ASTN2: variants seen among roughly 807,000 people sequenced by gnomAD.
The protein encoded by ASTN2 is astrotactin 2, also known as astrotactin-2.
ASTN2 carries 54 observed loss-of-function variants against 139.8 expected under a neutral mutation model. The ratio of observed to expected loss-of-function variants is 0.39; its 90% confidence interval spans 0.31 to 0.48. The LOEUF (loss-of-function observed/expected upper bound fraction) is 0.48, where lower values mean the gene tolerates loss of function less well. Ranked by LOEUF, ASTN2 falls within the 20% of genes least tolerant of loss-of-function variation. The pLI, the probability that ASTN2 is intolerant of heterozygous loss-of-function variation, is 0.95. For missense variants in ASTN2, 1,565 were observed against 1,725.1 expected (o/e 0.91, Z 1.64); for synonymous variants, 756 against 719.5 (o/e 1.05, Z -0.81).
chr9:117,018,550 T>G (rs1837782561), intron 6 of ASTN2, among the ~76,000 whole-genome samples: 1 of 152,198 alleles, frequency 6.6e-6, no homozygotes, highest in Non-Finnish European at 1.5e-5. Flanking sequence ...TTCCTTTTTC[T>G]CTAGATCTCT....
intron 2 of ASTN2, among the ~76,000 whole-genome samples, chr9:117,227,477 T>C (rs769313734): frequency 6.6e-6 from 1 of 151,972 alleles, no homozygotes; most frequent in Non-Finnish European, 1.5e-5. Flanking sequence ...CAGGGATGGG[T>C]GGATGGATGG....
At chr9:117,315,213 C>T (rs1313035621) in intron 1 of ASTN2, among the ~76,000 whole-genome samples, 1 of 152,088 alleles carries the variant, frequency 6.6e-6, no homozygotes, top group Non-Finnish European at 1.5e-5. Flanking sequence ...AAATATTATA[C>T]AAGGTATTTT....
rs1831812203 is a variant in ASTN2, at chr9:116,831,460, A to G, written c.2041-10677T>C. Among the ~76,000 whole-genome samples the G allele has an allele frequency of 1.3e-5, 2 of 152,216 alleles. 1 individual carries two copies. The highest frequency in any genetic ancestry group is 4.1e-4 in the South Asian group (2 of 4,826). The stretch of plus-strand genomic sequence containing the variant: ...TTTAACAAATATTCACCAAACACCT[A>G]CCTACTCAGTGCTAAGCAAATGTTT... On this transcript the variant is annotated intron_variant, in intron 11 of 22. Transcript: ENST00000313400.
At chr9:117,184,865 C>T (rs550514883) in intron 3 of ASTN2, among the ~76,000 whole-genome samples, 6 of 152,230 alleles carry the variant, frequency 3.9e-5, no homozygotes, top group Admixed American at 6.5e-5. Context: ...ATATGACTTT[C>T]CCAAGATTAT....
chr9:116,624,259 T>C (rs1310881862), intron 17 of ASTN2, among the ~76,000 whole-genome samples: 1 of 152,214 alleles, frequency 6.6e-6, no homozygotes, highest in Non-Finnish European at 1.5e-5. Flanking sequence ...TTAACCTCAA[T>C]TTCCCTATCT....
Position 116,805,975 on chromosome 9 carries a change from T to C in ASTN2, c.2208-155A>G, listed in dbSNP as rs369917151. On this transcript the variant is annotated intron_variant, in intron 12 of 22. Coordinates refer to ENST00000313400, the MANE Select transcript of ASTN2 (RefSeq NM_001365068.1). ...GGAATCTATCTAGGGCACAGATGTC[T>C]AGAGAGAAGCACATTAATACTGCAA... Among the ~76,000 whole-genome samples, 133 of 152,306 alleles carry C rather than the reference T, an allele frequency of 8.7e-4. 1 individual carries two copies. The highest frequency in any genetic ancestry group is 3.2e-3 in the African/African-American group (132 of 41,560).
At chr9:116,669,849 A>T (rs971173523) in intron 16 of ASTN2, among the ~76,000 whole-genome samples, 3 of 149,386 alleles carry the variant, frequency 2.0e-5, no homozygotes, top group African/African-American at 7.4e-5. Flanking sequence ...TCTGTCACCC[A>T]GTCTGGAATG....
intron 16 of ASTN2, chr9:116,686,686 T>C (rs1013286333): frequency 3.2e-6 from 5 of 1,550,262 alleles, no homozygotes; most frequent in Non-Finnish European, 4.4e-6. Context: ...TTGGTTTGGG[T>C]TCCCGGGTAC....
chr9:116,729,536 C>A (rs897061038), intron 14 of ASTN2, among the ~76,000 whole-genome samples: 26 of 152,174 alleles, frequency 1.7e-4, no homozygotes, highest in African/African-American at 6.0e-4. Context: ...TGCATGTAGA[C>A]CACATGTAAG....
Position 116,698,806 on chromosome 9 carries a change from G to A in ASTN2, c.2806+26965C>T. 1 of 1,614,178 alleles carries A rather than the reference G, an allele frequency of 6.2e-7. No individual in the cohort carries two copies. The highest frequency in any genetic ancestry group is 8.5e-7 in the Non-Finnish European group (1 of 1,180,038). On this transcript the variant is annotated intron_variant, in intron 16 of 22. Transcript: ENST00000313400. This position sits in a 1 kb window ranked among gnomAD's most constrained non-coding sequence, Gnocchi z 4.4. Reference sequence around the variant, plus strand: ...GAGGCAGCCTCCAATATCCAGCAGTGCCTCTTTCTCAAGAAGATGGGGGCC... The same window carrying A: ...GAGGCAGCCTCCAATATCCAGCAGTACCTCTTTCTCAAGAAGATGGGGGCC...
At chr9:116,599,992 C>A (rs2131753605) in intron 19 of ASTN2, among the ~76,000 whole-genome samples, 1 of 152,194 alleles carries the variant, frequency 6.6e-6, no homozygotes, top group African/African-American at 2.4e-5. Flanking sequence ...CTTGATGCCA[C>A]ACAGAATAAT....
At chr9:116,982,959 G>C (rs907665564) in intron 7 of ASTN2, among the ~76,000 whole-genome samples, 17 of 152,162 alleles carry the variant, frequency 1.1e-4, no homozygotes, top group African/African-American at 4.1e-4. Flanking sequence ...GCACAGAGGA[G>C]CTCATGGCTT....
chr9:116,667,618 A>C (rs770130572), intron 16 of ASTN2, among the ~76,000 whole-genome samples: 4 of 152,222 alleles, frequency 2.6e-5, no homozygotes, highest in Non-Finnish European at 4.4e-5. Context: ...CGGCTGCCAG[A>C]TTACACAAAA....
At chr9:116,990,693 T>C (rs1836827022) in intron 7 of ASTN2, among the ~76,000 whole-genome samples, 2 of 152,238 alleles carry the variant, frequency 1.3e-5, no homozygotes. Flanking sequence ...CTGGCAATGA[T>C]TTAATTGCAG....
chr9:117,000,528 T>C (rs1837164536), intron 7 of ASTN2, among the ~76,000 whole-genome samples: 1 of 152,244 alleles, frequency 6.6e-6, no homozygotes, highest in Admixed American at 6.5e-5. Flanking sequence ...AATAAGACAT[T>C]ACCCACATTG....
At chr9:117,019,676 G>T (rs1029427440) in intron 6 of ASTN2, among the ~76,000 whole-genome samples, 1 of 152,100 alleles carries the variant, frequency 6.6e-6, no homozygotes, top group African/African-American at 2.4e-5. Flanking sequence ...GGTATATGTC[G>T]CATGAAAGGT....
intron 3 of ASTN2, among the ~76,000 whole-genome samples, chr9:117,186,588 A>G (rs1831206599): frequency 6.6e-6 from 1 of 151,992 alleles, no homozygotes; most frequent in Admixed American, 6.5e-5. Flanking sequence ...AAATAAATAA[A>G]ATAAATCCCA....
At chr9:117,166,183 T>G (rs113190525) in intron 3 of ASTN2, among the ~76,000 whole-genome samples, 3,666 of 152,136 alleles carry the variant, frequency 0.024, 64 homozygotes, top group Middle Eastern at 0.058. Context: ...CATTGTATAA[T>G]TCTAGAATGT....
intron 1 of ASTN2, among the ~76,000 whole-genome samples, chr9:117,409,021 C>A (rs1337629267): frequency 6.6e-6 from 1 of 152,110 alleles, no homozygotes; most frequent in African/African-American, 2.4e-5. Context: ...AAACCTAGAC[C>A]ATCACACCAA....
Sources: allele counts gnomAD v4.1 joint callset (sites outside exome capture counted in the v4.1 genomes callset), GRCh38; gene constraint gnomAD v4.1.1; non-coding constraint Gnocchi (gnomAD v3.1); transcripts MANE v1.5; gene names NCBI Gene and HGNC (gene_info 2026-07-23, HGNC 2026-07-21).